Variants in OPHN1 observed in about 807,000 individuals in gnomAD.
The protein encoded by OPHN1 is oligophrenin-1.
A neutral mutation model predicts 60.7 loss-of-function variants in OPHN1; 11 were observed. The observed-to-expected ratio is 0.18, with a 90% CI of 0.11 to 0.30. The LOEUF (loss-of-function observed/expected upper bound fraction) is 0.30. Among genes scored for constraint, OPHN1 ranks in the 10% least tolerant of loss-of-function variants. OPHN1 has a pLI of 1.00. For synonymous variants in OPHN1, 226 were observed against 222.6 expected, an observed-to-expected ratio of 1.02 and a Z score of -0.14; for missense variants, 449 against 611.0, an observed-to-expected ratio of 0.73 and a Z score of 2.80.
At chrX:68,425,207 C>A (rs1288616749) in intron 2 of OPHN1, among the ~76,000 whole-genome samples, 3 of 111,645 alleles carry the variant, frequency 2.7e-5, no homozygotes, top group Non-Finnish European at 5.6e-5. Flanking sequence ...GGAGACCTAC[C>A]AAGAAGCATT....
At chrX:68,359,508 C>T (rs2078459368) in intron 2 of OPHN1, among the ~76,000 whole-genome samples, 1 of 110,725 alleles carries the variant, frequency 9.0e-6, no homozygotes, top group Admixed American at 9.7e-5. Flanking sequence ...ATAACATATC[C>T]ATCCCATCCC....
At chrX:68,256,176 C>T (rs912035675) in intron 5 of OPHN1, among the ~76,000 whole-genome samples, 1 of 111,316 alleles carries the variant, frequency 9.0e-6, no homozygotes, top group African/African-American at 3.3e-5. Flanking sequence ...AAGGGGAAGG[C>T]TGGTCTCACC....
At chrX:68,161,018 GA>G (rs1275711204) in intron 15 of OPHN1, among the ~76,000 whole-genome samples, 1 of 109,417 alleles carries the variant, frequency 9.1e-6, no homozygotes, top group Non-Finnish European at 1.9e-5. Flanking sequence ...GTGACCGGGA[GA>G]AAAAAAAGAG....
intron 15 of OPHN1, among the ~76,000 whole-genome samples, chrX:68,151,017 G>T (rs771126961): frequency 9.0e-6 from 1 of 111,668 alleles, no homozygotes; most frequent in Non-Finnish European, 1.9e-5. Flanking sequence ...ATTTAAGTAA[G>T]GAACTAGATT....
At chrX:68,186,698 C>G (rs1339902977) in intron 15 of OPHN1, among the ~76,000 whole-genome samples, 1 of 111,470 alleles carries the variant, frequency 9.0e-6, no homozygotes, top group Non-Finnish European at 1.9e-5. Flanking sequence ...TGTCACAGCT[C>G]TAGAAGCTGA....
Position 68,298,984 on chromosome X carries a change from T to C in OPHN1, c.250+17A>G, listed in dbSNP as rs776513378. The C allele has an allele frequency of 1.9e-6, 2 of 1,077,883 alleles. No homozygotes were observed. Among genetic ancestry groups the C allele is most frequent in the Non-Finnish European group, 2.6e-6 (2 of 779,905 alleles). The allele number at this position is 1,077,883 out of a possible 1,213,427, so 88.8% of individuals were successfully genotyped here. A position where few individuals can be genotyped will look rare whatever the true frequency, so the allele number is the denominator to read the frequency against. On this transcript the variant is annotated intron_variant, in intron 3 of 24. Coordinates refer to ENST00000355520, the MANE Select transcript of OPHN1 (RefSeq NM_002547.3). ...CTGCCTCAACAGGTATATGACCACA[T>C]GTAGCTGAAGACTTACCGATGTTAA... is the stretch of plus-strand genomic sequence containing the variant.
At chrX:68,220,653 G>T (rs1276814911) in intron 6 of OPHN1, among the ~76,000 whole-genome samples, 16 of 91,691 alleles carry the variant, frequency 1.7e-4, no homozygotes, top group African/African-American at 6.0e-4. Context: ...ATGTAATCCA[G>T]CATATAAACA....
At chrX:68,375,348 T>G (rs2078551356) in intron 2 of OPHN1, among the ~76,000 whole-genome samples, 1 of 110,832 alleles carries the variant, frequency 9.0e-6, no homozygotes, top group African/African-American at 3.3e-5. Context: ...ATTTTAAAAC[T>G]TAGCAGGGCA....
At chrX:68,093,790 C>A (rs1030187714) in intron 19 of OPHN1, among the ~76,000 whole-genome samples, 1 of 110,528 alleles carries the variant, frequency 9.0e-6, no homozygotes. Context: ...TTTGAGAGTT[C>A]TTTGTATAGT....
At chrX:68,133,016 C>T (rs903505933) in intron 15 of OPHN1, 16 of 482,389 alleles carry the variant, frequency 3.3e-5, no homozygotes, top group Non-Finnish European at 5.6e-5. Flanking sequence ...GCTTCAGACG[C>T]AGACCCTACC....
intron 19 of OPHN1, among the ~76,000 whole-genome samples, chrX:68,082,656 C>T (rs765653174): frequency 5.5e-4 from 62 of 112,239 alleles, no homozygotes; most frequent in African/African-American, 2.0e-3. Context: ...TGTGTTGTCA[C>T]TTAGGCTTTG....
chrX:68,157,599 C>T (rs949132866), intron 15 of OPHN1, among the ~76,000 whole-genome samples: 4 of 111,376 alleles, frequency 3.6e-5, no homozygotes, highest in East Asian at 2.8e-4. Context: ...AAGAGGAGGG[C>T]GTGGGTTGAA....
At chrX:68,052,419 G>T in intron 23 of OPHN1, 121 bp downstream of exon 23, 1 of 656,374 alleles carries the variant, frequency 1.5e-6, no homozygotes, top group South Asian at 2.4e-5. Context: ...GAAAGTGACA[G>T]ACAGAGACAG....
chrX:68,083,912 G>A (rs1467947098), intron 19 of OPHN1, among the ~76,000 whole-genome samples: 1 of 111,448 alleles, frequency 9.0e-6, no homozygotes, highest in Non-Finnish European at 1.9e-5. Flanking sequence ...TTGCTATCTT[G>A]TCTGGGTGTA....
rs772091171 is a variant in OPHN1, at chrX:68,140,313, T to C, written c.1277-20981A>G. ...AACAACAGAATGATCTGGCCTATGA[T>C]TGGGCCATTTTATAATGCTAATGGT... On this transcript the variant is annotated intron_variant, in intron 15 of 24. Coordinates refer to ENST00000355520, the MANE Select transcript of OPHN1 (RefSeq NM_002547.3). Among the ~76,000 whole-genome samples, 21 of 111,962 alleles carry C rather than the reference T, an allele frequency of 1.9e-4. No individual in the cohort carries two copies. The South Asian group carries it at 8.0e-3, about 43-fold the overall frequency.
Position 68,053,828 on chromosome X carries a change from A to G in OPHN1, c.2159-18T>C. ...AGCATCCCCTGGAAGAGAAAATGATACCAGGAACTTGGATGGTTAGCCAAA... is the reference window on the plus strand; with the variant it reads ...AGCATCCCCTGGAAGAGAAAATGATGCCAGGAACTTGGATGGTTAGCCAAA... On this transcript the variant is annotated intron_variant, in intron 21 of 24. Coordinates refer to ENST00000355520, the MANE Select transcript of OPHN1 (RefSeq NM_002547.3). 8.3e-7 allele frequency: 1 copy of G among 1,205,015 alleles called. No homozygotes were observed. The highest frequency in any genetic ancestry group is 2.2e-5 in the Admixed American group (1 of 45,286).
intron 18 of OPHN1, among the ~76,000 whole-genome samples, chrX:68,109,182 A>C (rs2077093950): frequency 9.1e-6 from 1 of 110,475 alleles, no homozygotes; most frequent in Non-Finnish European, 1.9e-5. Flanking sequence ...TCATACCCCC[A>C]CTTCCCAGAC....
chrX:68,262,674 C>T (rs2077899222), intron 5 of OPHN1, among the ~76,000 whole-genome samples: 1 of 112,004 alleles, frequency 8.9e-6, no homozygotes, highest in African/African-American at 3.2e-5. Context: ...GTAATTCAAG[C>T]TACTTGGAAG....
At chrX:68,189,331 C>A (rs1164989061) in intron 15 of OPHN1, among the ~76,000 whole-genome samples, 1 of 111,738 alleles carries the variant, frequency 8.9e-6, no homozygotes, top group Non-Finnish European at 1.9e-5. Context: ...AGAAACAGAA[C>A]TCTTTTTTTA....
Sources: allele counts gnomAD v4.1 joint callset (sites outside exome capture counted in the v4.1 genomes callset), GRCh38; gene constraint gnomAD v4.1.1; transcripts MANE v1.5; gene names NCBI Gene and HGNC (gene_info 2026-07-23, HGNC 2026-07-21).